The following BAIAP2L1 variants were observed in gnomAD, a reference collection of about 807,000 sequenced individuals.
BAIAP2L1 encodes the protein BAR/IMD domain containing adaptor protein 2 like 1.
BAIAP2L1 carries 35 observed loss-of-function variants against 66.3 expected under a neutral mutation model. The observed-to-expected ratio is 0.53, with a 90% CI of 0.40 to 0.70. BAIAP2L1 has a LOEUF of 0.70. Ranked by LOEUF, BAIAP2L1 falls within the 30% of genes least tolerant of loss-of-function variation. BAIAP2L1 has a pLI of 0.00. For missense variants in BAIAP2L1, 622 were observed against 656.9 expected, an observed-to-expected ratio of 0.95 and a Z score of 0.58; for synonymous variants, 269 against 248.7, an observed-to-expected ratio of 1.08 and a Z score of -0.77.
intron 1 of BAIAP2L1, among the ~76,000 whole-genome samples, chr7:98,385,390 ACTTTT>A (rs1356098183): frequency 6.6e-6 from 1 of 152,140 alleles, no homozygotes; most frequent in Admixed American, 6.6e-5. Context: ...TAAATTCTTT[ACTTTT>A]ATTTCTCAGA....
intron 12 of BAIAP2L1, among the ~76,000 whole-genome samples, chr7:98,298,690 C>T (rs1285055357): frequency 1.3e-5 from 2 of 152,186 alleles, no homozygotes; most frequent in Admixed American, 6.5e-5. Flanking sequence ...TATAACACAG[C>T]TTTCCCCAAC....
At chr7:98,362,543 C>T in intron 1 of BAIAP2L1, 111 bp from the exon 2 acceptor site, 1 of 796,952 alleles carries the variant, frequency 1.3e-6, no homozygotes. Flanking sequence ...ACAGCACAGT[C>T]TACAAAGTAA....
chr7:98,371,873 C>A (rs1802517954), intron 1 of BAIAP2L1, among the ~76,000 whole-genome samples: 1 of 151,732 alleles, frequency 6.6e-6, no homozygotes, highest in South Asian at 2.1e-4. Flanking sequence ...CGGCTCACTG[C>A]AAGCTCCGCC....
intron 1 of BAIAP2L1, among the ~76,000 whole-genome samples, chr7:98,364,229 T>C (rs1442813038): frequency 1.3e-5 from 2 of 152,174 alleles, no homozygotes; most frequent in East Asian, 1.9e-4. Context: ...CAGTAAAGCC[T>C]GGCTGTTTTT....
chr7:98,339,412 AC>A (rs1801687992), intron 3 of BAIAP2L1, among the ~76,000 whole-genome samples: 1 of 152,190 alleles, frequency 6.6e-6, no homozygotes, highest in African/African-American at 2.4e-5. Flanking sequence ...CTTACTTTTA[AC>A]AGTTTTGTTA....
chr7:98,315,546 C>T lies in BAIAP2L1; in HGVS notation c.553G>A (p.Ala185Thr), dbSNP rs766624526. ...QKFIADGCKE[A>T]LLEEKRRFCF... ...AAGCGCCTCTTCTCTTCAAGCAGAG[C>T]CTCTTTGCAACCATCTGCAATGAAT... The change falls in exon 7 of 14, where the codon GCT becomes ACT. Residue 185 changes from alanine to threonine, a missense_variant. By Grantham distance (58) the Ala-to-Thr change is moderately conservative (BLOSUM62 0). Coordinates refer to ENST00000005260, the MANE Select transcript of BAIAP2L1 (RefSeq NM_018842.5). 1.3e-6 allele frequency: 2 copies of T among 1,517,848 alleles called. No individual in the cohort carries two copies. The highest frequency in any genetic ancestry group is 1.8e-6 in the Non-Finnish European group (2 of 1,124,188). 94.0% of individuals were successfully genotyped at this position (1,517,848 alleles called of 1,614,324 possible).
At chr7:98,323,569 G>A (rs926410143) in intron 3 of BAIAP2L1, 1 of 152,218 alleles carries the variant, frequency 6.6e-6, no homozygotes, top group African/African-American at 2.4e-5. Flanking sequence ...CAAAACCAAG[G>A]TGTGTGCTAG....
At chr7:98,305,791 A>G (rs577560014) in intron 11 of BAIAP2L1, among the ~76,000 whole-genome samples, 48 of 152,330 alleles carry the variant, frequency 3.2e-4, no homozygotes, top group African/African-American at 1.1e-3. Flanking sequence ...GAAAAAATCA[A>G]TGCAAAGTCC....
At chr7:98,335,179 AT>A (rs761714646) in intron 3 of BAIAP2L1, among the ~76,000 whole-genome samples, 26 of 58,816 alleles carry the variant, frequency 4.4e-4, no homozygotes, top group Non-Finnish European at 8.7e-4. Flanking sequence ...AAAAAAAAAA[AT>A]TTATCTCCCA....
chr7:98,399,586 A>G (rs1803301200), intron 1 of BAIAP2L1, among the ~76,000 whole-genome samples: 1 of 152,252 alleles, frequency 6.6e-6, no homozygotes, highest in Non-Finnish European at 1.5e-5. Flanking sequence ...AAACATGCCT[A>G]TACATGAACT....
intron 3 of BAIAP2L1, among the ~76,000 whole-genome samples, chr7:98,329,321 G>A (rs1477938273): frequency 6.6e-6 from 1 of 152,222 alleles, no homozygotes; most frequent in African/African-American, 2.4e-5. Flanking sequence ...TTCACAGGGA[G>A]CAGAGACCAA....
At chr7:98,302,363 G>A (rs1018984942) in intron 12 of BAIAP2L1, among the ~76,000 whole-genome samples, 1 of 152,166 alleles carries the variant, frequency 6.6e-6, no homozygotes, top group African/African-American at 2.4e-5. Flanking sequence ...ATTTTTGGGG[G>A]CAAGATTCTT....
At chr7:98,354,592 T>C (rs1237350093) in intron 3 of BAIAP2L1, among the ~76,000 whole-genome samples, 1 of 152,054 alleles carries the variant, frequency 6.6e-6, no homozygotes, top group Non-Finnish European at 1.5e-5. Flanking sequence ...GAGCGATTCA[T>C]ACCAGCAGAA....
intron 12 of BAIAP2L1, among the ~76,000 whole-genome samples, chr7:98,294,929 A>C (rs1378179247): frequency 1.3e-5 from 2 of 151,716 alleles, no homozygotes; most frequent in African/African-American, 2.4e-5. Context: ...TCTTTCCCTC[A>C]CTCCAAAAAG....
At chr7:98,395,545 T>C (rs995607250) in intron 1 of BAIAP2L1, among the ~76,000 whole-genome samples, 2 of 152,058 alleles carry the variant, frequency 1.3e-5, no homozygotes, top group African/African-American at 4.8e-5. Context: ...CTCCTTGATC[T>C]GGGTGGTGGT....
At chr7:98,328,626 T>A (rs960201041) in intron 3 of BAIAP2L1, among the ~76,000 whole-genome samples, 1 of 146,812 alleles carries the variant, frequency 6.8e-6, no homozygotes, top group Non-Finnish European at 1.5e-5. Context: ...GTGGGAAGAC[T>A]GCTTGAGCCC....
chr7:98,315,682 T>C, intron 6 of BAIAP2L1, 70 bp from the exon 7 acceptor site: 1 of 765,498 alleles, frequency 1.3e-6, no homozygotes, highest in Non-Finnish European at 1.8e-6. Flanking sequence ...GCGTGCAGCC[T>C]GACGTTTATC....
intron 3 of BAIAP2L1, among the ~76,000 whole-genome samples, chr7:98,352,278 T>C (rs1173005343): frequency 2.0e-5 from 3 of 152,190 alleles, no homozygotes; most frequent in African/African-American, 4.8e-5. Flanking sequence ...AGATAGCAAG[T>C]ATTAAGCAAA....
chr7:98,292,835 C>A lies in BAIAP2L1; in HGVS notation c.*686G>T, dbSNP rs1014932559. On this transcript the variant is annotated 3_prime_UTR_variant, in exon 14 of 14. Coordinates refer to ENST00000005260, the MANE Select transcript of BAIAP2L1 (RefSeq NM_018842.5). ...CCTGGATGGGCCGTGTGCAGCGAAT[C>A]CGTTGGCGACTCCTAACTACCAAGA... 16 of 1,467,712 alleles carry A rather than the reference C, an allele frequency of 1.1e-5. No homozygotes were observed. In the African/African-American group the frequency reaches 2.0e-4, roughly 18 times the overall value. The allele number at this position is 1,467,712 out of a possible 1,614,324, so 90.9% of individuals were successfully genotyped here. A position where few individuals can be genotyped will look rare whatever the true frequency, so the allele number is the denominator to read the frequency against.
Sources: gnomAD v4.1 joint callset for allele counts (sites outside exome capture counted in the v4.1 genomes callset) on GRCh38, gnomAD v4.1.1 for gene constraint, MANE v1.5 for transcripts, NCBI Gene and HGNC (gene_info 2026-07-23, HGNC 2026-07-21) for gene names.